Variants in UNC5D observed in about 807,000 individuals in gnomAD.
UNC5D encodes the protein unc-5 netrin receptor D, also known as netrin receptor UNC5D.
UNC5D carries 39 observed loss-of-function variants against 105.4 expected under a neutral mutation model. That is an observed-to-expected ratio of 0.37 (90% CI 0.29 to 0.48). The LOEUF (loss-of-function observed/expected upper bound fraction) is 0.48, where lower values mean the gene tolerates loss of function less well. Among genes scored for constraint, UNC5D ranks in the 20% least tolerant of loss-of-function variants. UNC5D has a pLI of 0.98. For missense variants in UNC5D, 991 were observed against 1,202.4 expected, an observed-to-expected ratio of 0.82 and a Z score of 2.60; for synonymous variants, 452 against 450.4, an observed-to-expected ratio of 1.00 and a Z score of -0.04.
intron 8 of UNC5D, among the ~76,000 whole-genome samples, chr8:35,718,234 G>C (rs984624164): frequency 2.0e-5 from 3 of 152,100 alleles, no homozygotes; most frequent in African/African-American, 7.2e-5. Flanking sequence ...AAAGACATTA[G>C]TAACATATTG....
intron 3 of UNC5D, among the ~76,000 whole-genome samples, chr8:35,581,785 T>C (rs996951167): frequency 6.6e-6 from 1 of 151,544 alleles, no homozygotes; most frequent in Non-Finnish European, 1.5e-5. Flanking sequence ...AAAAAAAAAA[T>C]CATTGCTGTA....
chr8:35,457,395 A>G (rs1359770886), intron 1 of UNC5D, among the ~76,000 whole-genome samples: 1 of 152,182 alleles, frequency 6.6e-6, no homozygotes, highest in Non-Finnish European at 1.5e-5. Flanking sequence ...CAACAGAATG[A>G]CAATGACCAG....
Position 35,599,216 on chromosome 8 carries a change from G to A in UNC5D, c.570+3559G>A, listed in dbSNP as rs548969884. ...TAGAATGGTGGTCACCACATGTTGC[G>A]GAGATGGGGAGAGGTTGAGGAGACA... On this transcript the variant is annotated intron_variant, in intron 4 of 16. Transcript: ENST00000404895. 6.8e-4 allele frequency among the ~76,000 whole-genome samples: 103 copies of A among 151,538 alleles called. 1 individual carries two copies. The highest frequency in any genetic ancestry group is 1.3e-3 in the Non-Finnish European group (90 of 67,862).
chr8:35,554,807 G>A (rs1816423018), intron 2 of UNC5D, among the ~76,000 whole-genome samples: 1 of 152,032 alleles, frequency 6.6e-6, no homozygotes, highest in Non-Finnish European at 1.5e-5. Context: ...ATTCCAATGT[G>A]TTATGAGAAA....
chr8:35,411,306 T>TGTTGC (rs1325896753), intron 1 of UNC5D, among the ~76,000 whole-genome samples: 1 of 152,100 alleles, frequency 6.6e-6, no homozygotes, highest in East Asian at 1.9e-4. Flanking sequence ...TGTTTAAACC[T>TGTTGC]GTTGCAAGTA....
chr8:35,503,912 C>T (rs1041284497), intron 1 of UNC5D, among the ~76,000 whole-genome samples: 4 of 152,158 alleles, frequency 2.6e-5, no homozygotes, highest in African/African-American at 9.7e-5. Context: ...CGGCACAGTG[C>T]TTATTAGCAT....
intron 1 of UNC5D, among the ~76,000 whole-genome samples, chr8:35,325,345 AC>A (rs750827150): frequency 5.9e-5 from 9 of 152,192 alleles, no homozygotes; most frequent in Non-Finnish European, 1.2e-4. Context: ...CAATCTCAAG[AC>A]CACCAGTAAA....
intron 16 of UNC5D, among the ~76,000 whole-genome samples, chr8:35,777,061 C>T (rs1054375429): frequency 1.3e-5 from 2 of 152,220 alleles, no homozygotes; most frequent in South Asian, 4.1e-4. Flanking sequence ...CGAGACCAGC[C>T]TGACCAACAT....
At chr8:35,661,590 T>C (rs903308655) in intron 4 of UNC5D, among the ~76,000 whole-genome samples, 2 of 152,200 alleles carry the variant, frequency 1.3e-5, no homozygotes, top group Non-Finnish European at 2.9e-5. Flanking sequence ...CTTTTCTACG[T>C]TGATCCTTAT....
chr8:35,311,757 G>C (rs898482067), intron 1 of UNC5D, among the ~76,000 whole-genome samples: 1 of 152,084 alleles, frequency 6.6e-6, no homozygotes, highest in African/African-American at 2.4e-5. Flanking sequence ...GGATGGAGAA[G>C]GAATAGAGAA....
chr8:35,357,410 T>C (rs1455542320), intron 1 of UNC5D, among the ~76,000 whole-genome samples: 1 of 152,152 alleles, frequency 6.6e-6, no homozygotes, highest in Non-Finnish European at 1.5e-5. Flanking sequence ...CTGGGCAAAA[T>C]GAACATTGGG....
intron 1 of UNC5D, among the ~76,000 whole-genome samples, chr8:35,351,837 T>C (rs1812260511): frequency 6.6e-6 from 1 of 152,080 alleles, no homozygotes; most frequent in Non-Finnish European, 1.5e-5. Context: ...TCCCCTTTAA[T>C]ATTAACAAAG....
intron 4 of UNC5D, among the ~76,000 whole-genome samples, chr8:35,654,703 A>G (rs1420377562): frequency 6.6e-6 from 1 of 151,900 alleles, no homozygotes; most frequent in African/African-American, 2.4e-5. Context: ...TTGCACATCT[A>G]TTATATCATG....
At chr8:35,526,183 C>T (rs1411006737) in intron 1 of UNC5D, among the ~76,000 whole-genome samples, 1 of 152,198 alleles carries the variant, frequency 6.6e-6, no homozygotes, top group Non-Finnish European at 1.5e-5. Context: ...GTGTTTTCTA[C>T]TTTCTCATAG....
At chr8:35,573,435 A>G (rs1403510229) in intron 3 of UNC5D, among the ~76,000 whole-genome samples, 1 of 152,074 alleles carries the variant, frequency 6.6e-6, no homozygotes, top group Admixed American at 6.5e-5. Context: ...AGCCTGGGGC[A>G]CACAGCAAGA....
intron 3 of UNC5D, among the ~76,000 whole-genome samples, chr8:35,587,543 T>C (rs1442049707): frequency 6.6e-6 from 1 of 152,136 alleles, no homozygotes; most frequent in Non-Finnish European, 1.5e-5. Flanking sequence ...AATATGGCAA[T>C]AAACAGAACC....
chr8:35,266,168 A>T (rs1217721558), intron 1 of UNC5D, among the ~76,000 whole-genome samples: 1 of 152,180 alleles, frequency 6.6e-6, no homozygotes, highest in Non-Finnish European at 1.5e-5. Context: ...ACCTTTCACT[A>T]AATTTGATGA....
chr8:35,366,130 CAAAATAT>C (rs1802106523), intron 1 of UNC5D, among the ~76,000 whole-genome samples: 1 of 152,048 alleles, frequency 6.6e-6, no homozygotes, highest in Non-Finnish European at 1.5e-5. Context: ...GATGCTTGGC[CAAAATAT>C]AGGCATTCTT....
chr8:35,268,297 T>A (rs1203316417), intron 1 of UNC5D, among the ~76,000 whole-genome samples: 2 of 150,358 alleles, frequency 1.3e-5, no homozygotes, highest in South Asian at 2.1e-4. Flanking sequence ...CAAAAAAACC[T>A]GAAAAACGTG....
Sources: allele counts gnomAD v4.1 joint callset (sites outside exome capture counted in the v4.1 genomes callset), GRCh38; gene constraint gnomAD v4.1.1; transcripts MANE v1.5; gene names NCBI Gene and HGNC (gene_info 2026-07-23, HGNC 2026-07-21).